Variants in GPC5 observed in about 807,000 individuals in gnomAD.
GPC5 encodes the protein glypican 5, also known as glypican-5.
A neutral mutation model predicts 53.9 loss-of-function variants in GPC5; 47 were observed. The ratio of observed to expected loss-of-function variants is 0.87; its 90% CI spans 0.69 to 1.11. GPC5 has a LOEUF of 1.11. GPC5 is among the 50% of genes most tolerant of loss of function. The probability of loss-of-function intolerance (pLI) is 0.00; values close to 1 mark genes in which losing one functional copy is unlikely to be tolerated. For missense variants in GPC5, 748 were observed against 713.1 expected (o/e 1.05, Z -0.56); for synonymous variants, 286 against 263.3 (o/e 1.09, Z -0.84).
chr13:92,403,309 C>A (rs990334180), intron 7 of GPC5, among the ~76,000 whole-genome samples: 3 of 152,136 alleles, frequency 2.0e-5, no homozygotes, highest in African/African-American at 7.2e-5. Context: ...CAACTTGGAA[C>A]CCATTAGCAT....
At chr13:92,285,690 G>A (rs2139175871) in intron 7 of GPC5, among the ~76,000 whole-genome samples, 1 of 152,292 alleles carries the variant, frequency 6.6e-6, no homozygotes, top group South Asian at 2.1e-4. Context: ...CTAGCCATAT[G>A]TGGAAAGCTG....
intron 6 of GPC5, among the ~76,000 whole-genome samples, chr13:92,138,068 C>G (rs1439435804): frequency 1.3e-5 from 2 of 151,950 alleles, no homozygotes; most frequent in African/African-American, 4.8e-5. Flanking sequence ...TTGCTGTGAA[C>G]CTAAAACTAC....
intron 7 of GPC5, among the ~76,000 whole-genome samples, chr13:92,783,782 G>C (rs1036857662): frequency 1.3e-5 from 2 of 152,072 alleles, no homozygotes; most frequent in African/African-American, 2.4e-5. Context: ...CATCTTAGGA[G>C]AAAACAAAGA....
intron 6 of GPC5, among the ~76,000 whole-genome samples, chr13:91,989,355 T>A (rs1289939605): frequency 6.6e-6 from 1 of 152,216 alleles, no homozygotes; most frequent in Admixed American, 6.5e-5. Flanking sequence ...AAGATGAATA[T>A]GATGGCCTTT....
chr13:92,696,419 G>A (rs1351879429), intron 7 of GPC5, among the ~76,000 whole-genome samples: 3 of 152,128 alleles, frequency 2.0e-5, no homozygotes, highest in African/African-American at 7.2e-5. Context: ...TCTCACTGTG[G>A]TTTTGATTTG....
chr13:92,033,762 A>AATC (rs2040871772), intron 6 of GPC5, among the ~76,000 whole-genome samples: 1 of 152,150 alleles, frequency 6.6e-6, no homozygotes, highest in Non-Finnish European at 1.5e-5. Context: ...CAGTTTGAGC[A>AATC]TTGATCTTGA....
chr13:91,417,970 T>G lies in GPC5; in HGVS notation c.163+18761T>G, dbSNP rs1444531257. Among the ~76,000 whole-genome samples, 4 of 152,106 alleles carry G rather than the reference T, an allele frequency of 2.6e-5. No individual in the cohort carries two copies. In the East Asian group the frequency reaches 7.7e-4, roughly 29 times the overall value. On this transcript the variant is annotated intron_variant, in intron 1 of 7. Coordinates refer to ENST00000377067, the MANE Select transcript of GPC5 (RefSeq NM_004466.6). ...GGTCCAAAAATATGAAAGGGAAAGT[T>G]CCAGACAAAAACATTTATACGTTTT...
At chr13:91,710,696 GC>G (rs1446391742) in intron 3 of GPC5, among the ~76,000 whole-genome samples, 1 of 152,150 alleles carries the variant, frequency 6.6e-6, no homozygotes. Flanking sequence ...AGGGCCTGGG[GC>G]AGGACTGAGG....
chr13:92,662,416 A>G (rs1206994463), intron 7 of GPC5, among the ~76,000 whole-genome samples: 1 of 152,098 alleles, frequency 6.6e-6, no homozygotes, highest in Non-Finnish European at 1.5e-5. Flanking sequence ...CCTTCCATTA[A>G]TCTATTCTAC....
intron 7 of GPC5, among the ~76,000 whole-genome samples, chr13:92,808,198 AT>A (rs1304162261): frequency 6.6e-6 from 1 of 151,936 alleles, no homozygotes; most frequent in African/African-American, 2.4e-5. Flanking sequence ...AAACATCCGA[AT>A]TTTTTGTATC....
chr13:91,592,415 C>T (rs569115070), intron 2 of GPC5, among the ~76,000 whole-genome samples: 5 of 152,260 alleles, frequency 3.3e-5, no homozygotes, highest in African/African-American at 9.6e-5. Context: ...TGGCACTGTG[C>T]CTGCATTTCT....
chr13:92,104,865 G>A (rs10467330), intron 6 of GPC5, among the ~76,000 whole-genome samples: 5 of 152,096 alleles, frequency 3.3e-5, no homozygotes, highest in African/African-American at 1.2e-4. Flanking sequence ...GGCTTAAAGT[G>A]TTCTGGAATC....
At chr13:92,639,768 A>G (rs1445542250) in intron 7 of GPC5, among the ~76,000 whole-genome samples, 2 of 152,222 alleles carry the variant, frequency 1.3e-5, no homozygotes, top group Non-Finnish European at 2.9e-5. Flanking sequence ...TGCAGGAGAC[A>G]TTGAAAAGCA....
chr13:92,089,660 A>G (rs1390751539), intron 6 of GPC5, among the ~76,000 whole-genome samples: 1 of 152,200 alleles, frequency 6.6e-6, no homozygotes, highest in Non-Finnish European at 1.5e-5. Context: ...TAGAAATGCA[A>G]ACTATTTGAC....
At chr13:92,170,651 G>T (rs1450820155) in intron 7 of GPC5, among the ~76,000 whole-genome samples, 5 of 151,668 alleles carry the variant, frequency 3.3e-5, no homozygotes, top group African/African-American at 1.2e-4. Context: ...TTTTGAACTC[G>T]TGACCTCAGG....
chr13:91,462,715 G>T (rs16945971), intron 2 of GPC5, among the ~76,000 whole-genome samples: 13,738 of 151,900 alleles, frequency 0.09, 789 homozygotes, highest in East Asian at 0.32. Flanking sequence ...GGACGGGTGG[G>T]TCAAAAGTGT....
rs183136739 is a variant in GPC5, at chr13:91,937,645, G to A, written c.1401+29588G>A. Among the ~76,000 whole-genome samples, 684 of 152,188 alleles carry A rather than the reference G, an allele frequency of 4.5e-3. 11 individuals are homozygous for A. Among genetic ancestry groups the A allele is most frequent in the African/African-American group, 0.016 (656 of 41,546 alleles). On this transcript the variant is annotated intron_variant, in intron 6 of 7. Transcript: ENST00000377067. The stretch of plus-strand genomic sequence containing the variant: ...TGGGCTTGTTTTGAAAGATACATTA[G>A]GAGAGAGAAAATGGATTTCCAAGAT...
chr13:91,903,377 T>C (rs2039519100), intron 5 of GPC5, among the ~76,000 whole-genome samples: 1 of 152,236 alleles, frequency 6.6e-6, no homozygotes, highest in South Asian at 2.1e-4. Context: ...TGTCTTTTGG[T>C]AAATATTGTT....
chr13:92,733,091 C>T (rs953497285), intron 7 of GPC5, among the ~76,000 whole-genome samples: 1 of 151,632 alleles, frequency 6.6e-6, no homozygotes, highest in Non-Finnish European at 1.5e-5. Flanking sequence ...TAATCTTGCT[C>T]TCACTAATGA....
Sources: allele counts gnomAD v4.1 joint callset (sites outside exome capture counted in the v4.1 genomes callset), GRCh38; gene constraint gnomAD v4.1.1; transcripts MANE v1.5; gene names NCBI Gene and HGNC (gene_info 2026-07-23, HGNC 2026-07-21).